THADA: variants seen among roughly 807,000 people sequenced by gnomAD.
THADA encodes the protein tRNA (32-2'-O)-methyltransferase regulator THADA.
In THADA, 213 loss-of-function variants were observed where a neutral mutation model predicts 219.8. The ratio of observed to expected loss-of-function variants is 0.97; its 90% CI spans 0.87 to 1.09. THADA has a LOEUF of 1.09. THADA is among the 50% of genes least tolerant of loss of function. The pLI is 0.00. For synonymous variants in THADA, 1,018 were observed against 828.9 expected (o/e 1.23, Z -3.92); for missense variants, 2,956 against 2,311.3 (o/e 1.28, Z -5.72).
intron 29 of THADA, among the ~76,000 whole-genome samples, chr2:43,356,446 A>G (rs1425106851): frequency 6.6e-6 from 1 of 152,220 alleles, no homozygotes. Flanking sequence ...ATGTCAACAT[A>G]AAAACTGAAA....
At chr2:43,432,814 T>C (rs1228520765) in intron 26 of THADA, among the ~76,000 whole-genome samples, 1 of 152,244 alleles carries the variant, frequency 6.6e-6, no homozygotes, top group Non-Finnish European at 1.5e-5. Context: ...TGGTCATTAT[T>C]ATGACCCTTT....
intron 26 of THADA, among the ~76,000 whole-genome samples, chr2:43,443,083 CT>C (rs1206832297): frequency 6.6e-6 from 1 of 152,122 alleles, no homozygotes; most frequent in African/African-American, 2.4e-5. Flanking sequence ...ATGAAACTTC[CT>C]GTTTTCTTGC....
At chr2:43,514,908 ATATTTTATG>A (rs1401633288) in intron 22 of THADA, among the ~76,000 whole-genome samples, 15 of 69,150 alleles carry the variant, frequency 2.2e-4, no homozygotes, top group African/African-American at 1.0e-3. Flanking sequence ...TGTATAATAT[ATATTTTATG>A]TATAATATAT....
At chr2:43,554,838 C>G (rs1353723771) in intron 17 of THADA, among the ~76,000 whole-genome samples, 1 of 152,084 alleles carries the variant, frequency 6.6e-6, no homozygotes, top group African/African-American at 2.4e-5. Flanking sequence ...AGGCTAAGTA[C>G]TCCTTATCTG....
rs550768097 is a variant in THADA at position 43,242,126 on chromosome 2, C to G, written c.5297-9244G>C. On this transcript the variant is annotated intron_variant, in intron 36 of 37. Coordinates refer to ENST00000405975, the MANE Select transcript of THADA (RefSeq NM_022065.5). Reference sequence around the variant, plus strand: ...GGACTTTTTCTCCACTGTATCTGCACAGTGCTCAAGGTGTTCACAGATGCT... The same window carrying G: ...GGACTTTTTCTCCACTGTATCTGCAGAGTGCTCAAGGTGTTCACAGATGCT... 7.9e-5 allele frequency among the ~76,000 whole-genome samples: 12 copies of G among 152,378 alleles called. No homozygotes were observed. In the South Asian group the frequency reaches 1.0e-3, roughly 13 times the overall value.
At chr2:43,466,547 T>C (rs184902425) in intron 26 of THADA, among the ~76,000 whole-genome samples, 5 of 152,286 alleles carry the variant, frequency 3.3e-5, no homozygotes, top group Admixed American at 3.3e-4. Context: ...CTGAGATCTT[T>C]GTGGGCAAAG....
In THADA at chr2:43,416,544, C is replaced by A. The variant is rs1573541178; in HGVS notation, c.4058+11556G>T. 2.6e-5 allele frequency among the ~76,000 whole-genome samples: 4 copies of A among 152,230 alleles called. No individual in the cohort carries two copies. The South Asian group carries it at 8.3e-4, about 32-fold the overall frequency. On this transcript the variant is annotated intron_variant, in intron 28 of 37. Coordinates refer to ENST00000405975, the MANE Select transcript of THADA (RefSeq NM_022065.5). Reference sequence around the variant, plus strand: ...AGGCCTACTACAGCCTACTGTAGGACTGAGAGTTTTCAACTAAAGTAGACA... The same window carrying A: ...AGGCCTACTACAGCCTACTGTAGGAATGAGAGTTTTCAACTAAAGTAGACA...
At chr2:43,351,513 C>T (rs1668250849) in intron 29 of THADA, among the ~76,000 whole-genome samples, 1 of 152,226 alleles carries the variant, frequency 6.6e-6, no homozygotes, top group Non-Finnish European at 1.5e-5. Flanking sequence ...CACTCCCACC[C>T]TAAAACTCAC....
At chr2:43,365,881 C>T (rs902178992) in intron 29 of THADA, among the ~76,000 whole-genome samples, 4 of 152,126 alleles carry the variant, frequency 2.6e-5, no homozygotes, top group Admixed American at 2.6e-4. Context: ...TGGGAAGACA[C>T]TGTCTCCCAA....
intron 28 of THADA, among the ~76,000 whole-genome samples, chr2:43,425,487 T>TGTGTGTGTGA (rs1311743033): frequency 6.8e-6 from 1 of 146,766 alleles, no homozygotes; most frequent in Non-Finnish European, 1.5e-5. Context: ...TGTGTGTGTG[T>TGTGTGTGTGA]GATGGTATTA....
At chr2:43,465,597 A>G (rs1308312288) in intron 26 of THADA, among the ~76,000 whole-genome samples, 1 of 152,244 alleles carries the variant, frequency 6.6e-6, no homozygotes, top group Non-Finnish European at 1.5e-5. Context: ...CCCAAAGAAT[A>G]TCAGATTACT....
At chr2:43,391,847 C>A (rs1019801005) in intron 29 of THADA, 4 of 152,170 alleles carry the variant, frequency 2.6e-5, no homozygotes, top group Non-Finnish European at 4.4e-5. Context: ...CCTTCTTGGA[C>A]TAGGGACCTT....
At chr2:43,358,550 A>G (rs1005839857) in intron 29 of THADA, among the ~76,000 whole-genome samples, 6 of 152,228 alleles carry the variant, frequency 3.9e-5, no homozygotes, top group Non-Finnish European at 7.3e-5. Flanking sequence ...AAATGAGGCC[A>G]AAAGAAATGT....
rs140962749 is a variant in THADA at position 43,439,210 on chromosome 2, A to G, written c.3837-8908T>C. The stretch of plus-strand genomic sequence containing the variant: ...AAACGGAAAATTCCAGAACTAAACA[A>G]TTCATAAGTTTTAAACTGAGTGCCA... On this transcript the variant is annotated intron_variant, in intron 26 of 37. Transcript: ENST00000405975. 2.4e-3 allele frequency among the ~76,000 whole-genome samples: 361 copies of G among 152,330 alleles called. 1 individual carries two copies. Among genetic ancestry groups the G allele is most frequent in the Middle Eastern group, 0.01 (3 of 294 alleles).
chr2:43,584,271 A>C (rs986832134), intron 7 of THADA, among the ~76,000 whole-genome samples: 1 of 152,172 alleles, frequency 6.6e-6, no homozygotes, highest in Non-Finnish European at 1.5e-5. Context: ...AGATGTCCAC[A>C]AGTTAACTGT....
At chr2:43,589,651 G>A (rs1701349474) in intron 4 of THADA, among the ~76,000 whole-genome samples, 1 of 152,162 alleles carries the variant, frequency 6.6e-6, no homozygotes, top group African/African-American at 2.4e-5. Flanking sequence ...AAAGGCATAA[G>A]AATGATACAA....
At chr2:43,284,125 G>A (rs941769847) in intron 35 of THADA, among the ~76,000 whole-genome samples, 1 of 152,140 alleles carries the variant, frequency 6.6e-6, no homozygotes, top group Non-Finnish European at 1.5e-5. Context: ...GTTGCAGTGA[G>A]CCAAGATCGT....
chr2:43,272,809 A>G (rs1057019892), intron 36 of THADA, among the ~76,000 whole-genome samples: 3 of 151,634 alleles, frequency 2.0e-5, no homozygotes, highest in African/African-American at 7.3e-5. Context: ...ATTTTTTTGA[A>G]GAGACAGGGT....
intron 26 of THADA, among the ~76,000 whole-genome samples, chr2:43,482,929 T>C (rs1323447497): frequency 2.6e-5 from 4 of 152,164 alleles, no homozygotes; most frequent in African/African-American, 7.2e-5. Context: ...TCCTGGTATA[T>C]AGATGGAGAA....
Sources: allele counts gnomAD v4.1 joint callset (sites outside exome capture counted in the v4.1 genomes callset), GRCh38; gene constraint gnomAD v4.1.1; transcripts MANE v1.5; gene names NCBI Gene and HGNC (gene_info 2026-07-23, HGNC 2026-07-21).